The following PXDN variants were observed in gnomAD, a reference collection of about 807,000 sequenced individuals.
PXDN encodes the protein peroxidasin.
A neutral mutation model predicts 140.3 loss-of-function variants in PXDN; 77 were observed. The ratio of observed to expected loss-of-function variants is 0.55; its 90% CI spans 0.46 to 0.66. The LOEUF (loss-of-function observed/expected upper bound fraction) is 0.66, where lower values mean the gene tolerates loss of function less well. Among genes scored for constraint, PXDN ranks in the 30% least tolerant of loss-of-function variants. The pLI, the probability that PXDN is intolerant of heterozygous loss-of-function variation, is 0.00. For missense variants in PXDN, 1,838 were observed against 2,039.5 expected, an observed-to-expected ratio of 0.90 and a Z score of 1.90; for synonymous variants, 911 against 857.4, an observed-to-expected ratio of 1.06 and a Z score of -1.09.
intron 14 of PXDN, among the ~76,000 whole-genome samples, chr2:1,658,004 T>G (rs536446224): frequency 7.6e-6 from 1 of 131,426 alleles, no homozygotes; most frequent in African/African-American, 2.9e-5. Flanking sequence ...CTCTTCCTCC[T>G]GAGCACTCCA....
intron 1 of PXDN, among the ~76,000 whole-genome samples, chr2:1,706,589 G>C (rs71440682): frequency 0.027 from 1,517 of 55,854 alleles, 12 homozygotes; most frequent in African/African-American, 0.05. Flanking sequence ...GCACGCTTCA[G>C]TGTTCACCAA....
Position 1,666,323 on chromosome 2 carries a change from A to G in PXDN, c.1182T>C (p.Ser394=), listed in dbSNP as rs76057922. The change falls in exon 10 of 23, where the codon TCT becomes TCC. Residue 394 remains serine (S), a synonymous_variant. Coordinates refer to ENST00000252804, the MANE Select transcript of PXDN (RefSeq NM_012293.3). ...CGACGTTCTGTATGTAAAGCCCGCC[A>G]GAAGGCGTGATGTTCACCCGCGGGT... is the stretch of plus-strand genomic sequence containing the variant. ...PVDPRVNITP[S]GGLYIQNVVQ... 4,178 of 1,614,068 alleles carry G rather than the reference A, an allele frequency of 2.6e-3. 88 individuals carry two copies. The African/African-American group carries it at 0.046, about 18-fold the overall frequency.
intron 9 of PXDN, 46 bp downstream of exon 9, chr2:1,673,597 A>G (rs1467371397): frequency 6.4e-7 from 1 of 1,573,652 alleles, no homozygotes; most frequent in Admixed American, 1.7e-5. Flanking sequence ...ATAGTGAGGG[A>G]CGACAATTCT....
chr2:1,700,402 T>G (rs1400722983), intron 1 of PXDN, among the ~76,000 whole-genome samples: 2 of 152,154 alleles, frequency 1.3e-5, no homozygotes, highest in Non-Finnish European at 2.9e-5. Flanking sequence ...TTTGCGCATC[T>G]TAACATGTTA....
intron 1 of PXDN, among the ~76,000 whole-genome samples, chr2:1,728,498 A>C (rs928830331): frequency 7.2e-5 from 11 of 152,200 alleles, no homozygotes; most frequent in Admixed American, 5.2e-4. Context: ...ATGGGGAAAA[A>C]TCGGAGTCAC....
chr2:1,702,917 G>A (rs1015300445), intron 1 of PXDN, among the ~76,000 whole-genome samples: 31 of 151,660 alleles, frequency 2.0e-4, no homozygotes, highest in Non-Finnish European at 4.3e-4. Context: ...TTTTAGGGAG[G>A]CACGAGACAT....
chr2:1,701,275 T>G (rs1371782830), intron 1 of PXDN, among the ~76,000 whole-genome samples: 1 of 152,120 alleles, frequency 6.6e-6, no homozygotes, highest in Non-Finnish European at 1.5e-5. Flanking sequence ...CAGGGGTGAG[T>G]ACATCCATGC....
intron 7 of PXDN, 55 bp downstream of exon 7, chr2:1,680,138 T>TGTGTGTGTGGATG: frequency 2.7e-6 from 4 of 1,477,236 alleles, no homozygotes; most frequent in Non-Finnish European, 2.7e-6. Context: ...GTGTGGATGG[T>TGTGTGTGTGGATG]GTGTGTGTAG....
intron 1 of PXDN, among the ~76,000 whole-genome samples, chr2:1,720,720 T>TG (rs1685028588): frequency 3.9e-5 from 1 of 25,380 alleles, no homozygotes; most frequent in Admixed American, 6.9e-4. Context: ...TCTCTCTCTC[T>TG]CTCTCACACA....
In PXDN at chr2:1,685,106, G is replaced by T. The variant is rs929427599; in HGVS notation, c.417-955C>A. The stretch of plus-strand genomic sequence containing the variant: ...ATCCTGAGATCACCGTCACCACCAG[G>T]GCACCAGAGTGCGGCTGCCAGGGCC... On this transcript the variant is annotated intron_variant, in intron 4 of 22. Transcript: ENST00000252804. The surrounding 1 kb of genome is among the most constrained non-coding windows in gnomAD (Gnocchi z 5.1). 1.3e-5 allele frequency among the ~76,000 whole-genome samples: 2 copies of T among 152,174 alleles called. No homozygotes were observed. Among genetic ancestry groups the T allele is most frequent in the African/African-American group, 4.8e-5 (2 of 41,442 alleles).
At chr2:1,743,654 G>A (rs1572210990) in intron 1 of PXDN, among the ~76,000 whole-genome samples, 2 of 142,272 alleles carry the variant, frequency 1.4e-5, no homozygotes, top group South Asian at 2.3e-4. Flanking sequence ...AAGGGGGGGA[G>A]GAGGAGGGGA....
At chr2:1,727,461 C>A (rs1182668065) in intron 1 of PXDN, among the ~76,000 whole-genome samples, 1 of 152,234 alleles carries the variant, frequency 6.6e-6, no homozygotes, top group Non-Finnish European at 1.5e-5. Flanking sequence ...AGGACCCCTA[C>A]AGATGGGGAA....
intron 13 of PXDN, among the ~76,000 whole-genome samples, chr2:1,661,797 G>T (rs758833339): frequency 1.3e-5 from 2 of 152,212 alleles, no homozygotes; most frequent in Non-Finnish European, 2.9e-5. Context: ...TCAAAAAAAT[G>T]GAATGCTCCA....
At chr2:1,672,540 G>A (rs138182676) in intron 9 of PXDN, among the ~76,000 whole-genome samples, 5 of 152,314 alleles carry the variant, frequency 3.3e-5, no homozygotes, top group African/African-American at 1.2e-4. Flanking sequence ...TTCTGAATTT[G>A]GAAAGATGCT....
intron 9 of PXDN, chr2:1,672,328 C>A (rs972234369): frequency 3.3e-5 from 5 of 152,248 alleles, no homozygotes; most frequent in African/African-American, 1.2e-4. Context: ...AGGAATCAAT[C>A]AACCTATGAA....
intron 1 of PXDN, among the ~76,000 whole-genome samples, chr2:1,694,715 G>T (rs968603157): frequency 7.9e-5 from 12 of 152,200 alleles, no homozygotes; most frequent in Admixed American, 7.8e-4. Context: ...GACTCTCCAC[G>T]TAGGAGCTGC....
At chr2:1,731,221 T>G (rs1007558038) in intron 1 of PXDN, among the ~76,000 whole-genome samples, 1 of 151,834 alleles carries the variant, frequency 6.6e-6, no homozygotes, top group African/African-American at 2.4e-5. Context: ...GAGCAATAAT[T>G]GTGTGCTATT....
intron 1 of PXDN, among the ~76,000 whole-genome samples, chr2:1,698,293 A>G (rs1038238302): frequency 1.2e-4 from 19 of 152,182 alleles, no homozygotes; most frequent in African/African-American, 4.3e-4. Context: ...CACACAAAGC[A>G]TGGATCTGAG....
rs138706747 is a variant in PXDN, at chr2:1,665,375, G to A, written c.1292-301C>T. ...CACTGCAGCTCGTGGACACCAGGCC[G>A]ACTTACAACGATTCCTCTCAATCCT... On this transcript the variant is annotated intron_variant, in intron 10 of 22. Transcript: ENST00000252804. 3.0e-4 allele frequency among the ~76,000 whole-genome samples: 46 copies of A among 152,316 alleles called. 1 individual carries two copies. Among genetic ancestry groups the A allele is most frequent in the East Asian group, 2.5e-3 (13 of 5,182 alleles).
Sources: allele counts gnomAD v4.1 joint callset (sites outside exome capture counted in the v4.1 genomes callset), GRCh38; gene constraint gnomAD v4.1.1; non-coding constraint Gnocchi (gnomAD v3.1); transcripts MANE v1.5; gene names NCBI Gene and HGNC (gene_info 2026-07-23, HGNC 2026-07-21).